Variants in NFIA observed in about 807,000 individuals in gnomAD.
NFIA encodes nuclear factor 1 A-type.
Under a neutral mutation model 62.8 loss-of-function variants are expected in NFIA, and 8 were observed. The ratio of observed to expected loss-of-function variants is 0.13; its 90% CI spans 0.07 to 0.23. The LOEUF is 0.23. NFIA is among the 10% of genes least tolerant of loss of function. NFIA has a pLI of 1.00. For missense variants in NFIA, 410 were observed against 642.1 expected, an observed-to-expected ratio of 0.64 and a Z score of 3.91; for synonymous variants, 235 against 238.1, an observed-to-expected ratio of 0.99 and a Z score of 0.12.
intron 2 of NFIA, among the ~76,000 whole-genome samples, chr1:61,256,186 G>A (rs1656379645): frequency 6.6e-6 from 1 of 152,096 alleles, no homozygotes; most frequent in South Asian, 2.1e-4. Flanking sequence ...CCAGCACTTG[G>A]GGAGGCCAAG....
chr1:61,208,898 G>A (rs1419633629), intron 2 of NFIA, among the ~76,000 whole-genome samples: 1 of 152,056 alleles, frequency 6.6e-6, no homozygotes, highest in African/African-American at 2.4e-5. Context: ...TTAAGTAGTG[G>A]GCAGTCAAAG....
intron 2 of NFIA, among the ~76,000 whole-genome samples, chr1:61,205,593 G>A (rs1344839857): frequency 1.3e-5 from 2 of 152,150 alleles, no homozygotes; most frequent in Non-Finnish European, 2.9e-5. Flanking sequence ...ATCTTGAGCA[G>A]TAGGATATAA....
At position 61,406,556 on chromosome 1, in the gene NFIA, C is replaced by CCA; in HGVS notation, c.1255-3_1255-2dup. 2 of 1,253,364 alleles carry CCA rather than the reference C, an allele frequency of 1.6e-6. No individual in the cohort carries two copies. The highest frequency in any genetic ancestry group is 2.1e-6 in the Non-Finnish European group (2 of 938,182). 77.6% of individuals were successfully genotyped at this position (1,253,364 alleles called of 1,614,324 possible). On this transcript the variant is annotated splice_polypyrimidine_tract_variant and splice_region_variant and intron_variant, in intron 8 of 10. Transcript: ENST00000403491. ...CGTGTGTTTTCTGCCCCCCCCCCCCCCACAGCCCAATGGGAGCAGCCAAGG... is the reference window on the plus strand; with the variant it reads ...CGTGTGTTTTCTGCCCCCCCCCCCCCCACACAGCCCAATGGGAGCAGCCAAGG...
In NFIA at chr1:61,084,141, C is replaced by G. The variant is rs768363939; in HGVS notation, c.27+1323C>G. Among the ~76,000 whole-genome samples, 41 of 152,104 alleles carry G rather than the reference C, an allele frequency of 2.7e-4. 1 individual carries two copies. Among genetic ancestry groups the G allele is most frequent in the Non-Finnish European group, 5.0e-4 (34 of 68,024 alleles). On this transcript the variant is annotated intron_variant, in intron 1 of 10. Transcript: ENST00000403491. The stretch of plus-strand genomic sequence containing the variant: ...ACATAAAATGTTTATTCACCTCTCC[C>G]TTAAAAAACCTACCACTTCTTGCCT...
At chr1:61,260,184 G>C (rs1399592150) in intron 2 of NFIA, among the ~76,000 whole-genome samples, 1 of 152,218 alleles carries the variant, frequency 6.6e-6, no homozygotes, top group African/African-American at 2.4e-5. Context: ...TACTGCCTCA[G>C]TGTCCTGTTT....
intron 2 of NFIA, among the ~76,000 whole-genome samples, chr1:61,139,299 C>T (rs1453280733): frequency 1.3e-5 from 2 of 152,252 alleles, no homozygotes; most frequent in Non-Finnish European, 2.9e-5. Context: ...GAGGATAGTC[C>T]GGAACTCCCC....
chr1:61,329,226 T>G (rs1458989989), intron 3 of NFIA, among the ~76,000 whole-genome samples: 1 of 148,374 alleles, frequency 6.7e-6, no homozygotes, highest in Admixed American at 6.7e-5. Context: ...TTTTTTTATT[T>G]TTAGTAGAGA....
At chr1:61,327,989 A>G (rs557146164) in intron 3 of NFIA, among the ~76,000 whole-genome samples, 1 of 151,876 alleles carries the variant, frequency 6.6e-6, no homozygotes, top group South Asian at 2.1e-4. Flanking sequence ...TTATAGTTCT[A>G]ATTTGCATTT....
chr1:61,385,661 T>TG (rs1420443235), intron 7 of NFIA, among the ~76,000 whole-genome samples: 1 of 152,170 alleles, frequency 6.6e-6, no homozygotes, highest in African/African-American at 2.4e-5. Context: ...CACTTCCCTA[T>TG]GGGTACAGGT....
chr1:61,326,718 C>G (rs1246994030), intron 3 of NFIA, among the ~76,000 whole-genome samples: 1 of 152,136 alleles, frequency 6.6e-6, no homozygotes, highest in Non-Finnish European at 1.5e-5. Flanking sequence ...AAAAAGTGTT[C>G]CCCAGTGGTG....
intron 2 of NFIA, among the ~76,000 whole-genome samples, chr1:61,264,528 G>A (rs895763280): frequency 2.2e-4 from 33 of 151,470 alleles, no homozygotes; most frequent in African/African-American, 7.5e-4. Flanking sequence ...GTGGGCGCCT[G>A]TAATCCCAGC....
chr1:61,188,101 GT>G (rs1363501975), intron 2 of NFIA, among the ~76,000 whole-genome samples: 1 of 152,106 alleles, frequency 6.6e-6, no homozygotes, highest in Non-Finnish European at 1.5e-5. Context: ...AGGCTGGAGT[GT>G]AGTGGTGCGA....
intron 2 of NFIA, among the ~76,000 whole-genome samples, chr1:61,215,524 G>A (rs769598812): frequency 6.6e-6 from 1 of 151,958 alleles, no homozygotes. Flanking sequence ...TAAAAATTCA[G>A]TTCCTTCTGT....
intron 2 of NFIA, among the ~76,000 whole-genome samples, chr1:61,157,683 TA>T (rs1395460471): frequency 6.6e-6 from 1 of 152,210 alleles, no homozygotes; most frequent in Admixed American, 6.5e-5. Context: ...GTTTTTCTTT[TA>T]CTCTGTAACC....
intron 2 of NFIA, among the ~76,000 whole-genome samples, chr1:61,185,749 T>A (rs1651128969): frequency 6.6e-6 from 1 of 151,904 alleles, no homozygotes; most frequent in Admixed American, 6.6e-5. Context: ...TTAGAATGCA[T>A]TTTTCCCAGC....
At chr1:61,416,995 G>A (rs1666377716) in intron 9 of NFIA, among the ~76,000 whole-genome samples, 1 of 151,946 alleles carries the variant, frequency 6.6e-6, no homozygotes, top group South Asian at 2.1e-4. Flanking sequence ...ACCAAAGCAG[G>A]AAAAAGATTA....
At chr1:61,419,309 G>T (rs1370497262) in intron 9 of NFIA, among the ~76,000 whole-genome samples, 4 of 152,064 alleles carry the variant, frequency 2.6e-5, no homozygotes, top group Non-Finnish European at 5.9e-5. Context: ...AATTAGCTGG[G>T]CACCTTGGCA....
chr1:61,276,621 C>T (rs1301861587), intron 2 of NFIA, among the ~76,000 whole-genome samples: 1 of 152,102 alleles, frequency 6.6e-6, no homozygotes, highest in Non-Finnish European at 1.5e-5. Context: ...CCCCTTGAAA[C>T]ATTTTGCCTG....
At chr1:61,235,075 T>C (rs1266862374) in intron 2 of NFIA, among the ~76,000 whole-genome samples, 1 of 152,220 alleles carries the variant, frequency 6.6e-6, no homozygotes, top group Non-Finnish European at 1.5e-5. Context: ...AAAAATAAGT[T>C]GCCACTTGCA....
Sources: gnomAD v4.1 joint callset for allele counts (sites outside exome capture counted in the v4.1 genomes callset) on GRCh38, gnomAD v4.1.1 for gene constraint, MANE v1.5 for transcripts, NCBI Gene and HGNC (gene_info 2026-07-23, HGNC 2026-07-21) for gene names.